The following RPH3AL variants were observed in gnomAD, a reference collection of about 807,000 sequenced individuals.
RPH3AL encodes the protein rab effector Noc2.
Under a neutral mutation model 43.1 loss-of-function variants are expected in RPH3AL, and 38 were observed. That is an observed-to-expected ratio of 0.88 (90% CI 0.68 to 1.15). The LOEUF (loss-of-function observed/expected upper bound fraction) is 1.15, where lower values mean the gene tolerates loss of function less well. Ranked by LOEUF, RPH3AL falls within the 50% of genes most tolerant of loss-of-function variation. The probability of loss-of-function intolerance (pLI) is 0.00; values close to 1 mark genes in which losing one functional copy is unlikely to be tolerated. For missense variants in RPH3AL, 462 were observed against 423.2 expected, an observed-to-expected ratio of 1.09 and a Z score of -0.81; for synonymous variants, 189 against 176.3, an observed-to-expected ratio of 1.07 and a Z score of -0.57.
chr17:278,294 G>A (rs760076070), intron 6 of RPH3AL, among the ~76,000 whole-genome samples: 37 of 152,192 alleles, frequency 2.4e-4, no homozygotes, highest in Middle Eastern at 3.4e-3. Context: ...TTCGCCTTCC[G>A]CCGTGATTGT....
chr17:314,487 G>C (rs527646090), intron 5 of RPH3AL, among the ~76,000 whole-genome samples: 16 of 135,338 alleles, frequency 1.2e-4, no homozygotes, highest in African/African-American at 4.5e-4. Flanking sequence ...CCATTGACCT[G>C]TAGTCCCTAT....
intron 5 of RPH3AL, among the ~76,000 whole-genome samples, chr17:293,488 G>A (rs926733038): frequency 6.6e-6 from 1 of 152,204 alleles, no homozygotes; most frequent in East Asian, 1.9e-4. Flanking sequence ...TCCGGGGGTG[G>A]GGCAGCGGGG....
intron 6 of RPH3AL, among the ~76,000 whole-genome samples, chr17:269,029 C>T (rs538819659): frequency 1.1e-4 from 16 of 152,282 alleles, no homozygotes; most frequent in East Asian, 3.9e-4. Context: ...CAGGCGCCCG[C>T]CACCACGCCT....
chr17:272,984 C>CA (rs1567604451), intron 6 of RPH3AL, among the ~76,000 whole-genome samples: 1 of 61,864 alleles, frequency 1.6e-5, no homozygotes, highest in African/African-American at 5.4e-5. Context: ...CCAGCAAGGG[C>CA]TACGTCAGGG....
chr17:232,534 C>T (rs879314501), intron 7 of RPH3AL, among the ~76,000 whole-genome samples: 2 of 152,224 alleles, frequency 1.3e-5, no homozygotes, highest in Non-Finnish European at 2.9e-5. Context: ...CTATCAGTGT[C>T]TCTCCCAGCG....
intron 1 of RPH3AL, among the ~76,000 whole-genome samples, chr17:351,827 T>C (rs2045359518): frequency 6.6e-6 from 1 of 152,200 alleles, no homozygotes; most frequent in Non-Finnish European, 1.5e-5. Flanking sequence ...TATGCTCTAA[T>C]ACACATGAAA....
chr17:250,492 C>A (rs1455160865), intron 6 of RPH3AL, among the ~76,000 whole-genome samples: 1 of 150,222 alleles, frequency 6.7e-6, no homozygotes, highest in Non-Finnish European at 1.5e-5. Context: ...CCTCTCGGGG[C>A]CTTTACCAAG....
At chr17:268,987 T>C (rs1318353821) in intron 6 of RPH3AL, among the ~76,000 whole-genome samples, 3 of 152,166 alleles carry the variant, frequency 2.0e-5, no homozygotes, top group Non-Finnish European at 4.4e-5. Context: ...CACGCCATTC[T>C]CCTGCCTCAG....
chr17:228,851 T>A (rs1378499574), intron 7 of RPH3AL, among the ~76,000 whole-genome samples: 1 of 152,164 alleles, frequency 6.6e-6, no homozygotes, highest in Non-Finnish European at 1.5e-5. Context: ...GGACCCTTTT[T>A]CTGTCGCAGC....
In RPH3AL at chr17:235,178, C is replaced by T. The variant is rs1474045973; in HGVS notation, c.613+11933G>A. Among the ~76,000 whole-genome samples the T allele has an allele frequency of 6.0e-4, 90 of 150,088 alleles. No homozygotes were observed. The Middle Eastern group carries it at 0.011, about 18-fold the overall frequency. ...GGTTCAAAGCTGGGGTCAGCTGAGG[C>T]TCTGCAGTAACAAGAGGGATCCCGG... On this transcript the variant is annotated intron_variant, in intron 7 of 9. Transcript: ENST00000331302.
At chr17:337,298 G>A (rs552292097) in intron 1 of RPH3AL, among the ~76,000 whole-genome samples, 21 of 152,166 alleles carry the variant, frequency 1.4e-4, no homozygotes, top group Non-Finnish European at 2.9e-4. Flanking sequence ...ACAGGGTCTT[G>A]CTCTGTTGTC....
intron 5 of RPH3AL, among the ~76,000 whole-genome samples, chr17:307,005 C>T (rs938825341): frequency 1.3e-5 from 2 of 152,174 alleles, no homozygotes; most frequent in East Asian, 1.9e-4. Context: ...CCTCCAGGCC[C>T]GGCTGCCACA....
chr17:215,538 AAAC>A lies in RPH3AL; in HGVS notation c.876+113_876+115del, dbSNP rs1448613695. 2 of 993,420 alleles carry A rather than the reference AAAC, an allele frequency of 2.0e-6. No homozygotes were observed. The highest frequency in any genetic ancestry group is 3.3e-5 in the African/African-American group (2 of 59,752). 61.5% of individuals were successfully genotyped at this position (993,420 alleles called of 1,614,324 possible). A position where few individuals can be genotyped will look rare whatever the true frequency, so the allele number is the denominator to read the frequency against. On this transcript the variant is annotated intron_variant, in intron 9 of 9. Coordinates refer to ENST00000331302, the MANE Select transcript of RPH3AL (RefSeq NM_006987.4). This position sits in a 1 kb window ranked among gnomAD's most constrained non-coding sequence, Gnocchi z 4.1. Reference sequence around the variant, plus strand: ...CTTGTTCCCCCGCACAGTGCTTGGTAAACAACATGCAGAATTGAAAACGTCACC... The same window carrying A: ...CTTGTTCCCCCGCACAGTGCTTGGTAAACATGCAGAATTGAAAACGTCACC...
chr17:232,216 C>G (rs1006863522), intron 7 of RPH3AL, among the ~76,000 whole-genome samples: 1 of 152,216 alleles, frequency 6.6e-6, no homozygotes, highest in African/African-American at 2.4e-5. Context: ...CATGCTGAGA[C>G]TACGGTGCAA....
rs80227594 is a variant in RPH3AL at position 291,802 on chromosome 17, G to A, written c.352-9948C>T. Among the ~76,000 whole-genome samples, 1,460 of 152,284 alleles carry A rather than the reference G, an allele frequency of 9.6e-3. 11 individuals carry two copies. Among genetic ancestry groups the A allele is most frequent in the African/African-American group, 0.032 (1,349 of 41,542 alleles). ...TAAGCTGTTAAGTTAAAAAAAGCACGTTGGAAACAGTCTGCATAGCAGGGC... is the reference window on the plus strand; with the variant it reads ...TAAGCTGTTAAGTTAAAAAAAGCACATTGGAAACAGTCTGCATAGCAGGGC... On this transcript the variant is annotated intron_variant, in intron 5 of 9. Transcript: ENST00000331302.
At chr17:272,985 T>TACGTCAGGGTGAGACCCCAGCGAGGGTG (rs2042528440) in intron 6 of RPH3AL, among the ~76,000 whole-genome samples, 1 of 36,360 alleles carries the variant, frequency 2.8e-5, no homozygotes, top group African/African-American at 8.8e-5. Context: ...CAGCAAGGGC[T>TACGTCAGGGTGAGACCCCAGCGAGGGTG]ACGTCAGGGT....
chr17:214,989 A>T (rs1043205632), intron 9 of RPH3AL, among the ~76,000 whole-genome samples: 1 of 152,018 alleles, frequency 6.6e-6, no homozygotes, highest in African/African-American at 2.4e-5. Context: ...TCGAGTGGGG[A>T]AGGAGAGAGG....
intron 5 of RPH3AL, among the ~76,000 whole-genome samples, chr17:316,483 C>G (rs1293124454): frequency 0.012 from 1,754 of 151,256 alleles, 7 homozygotes; most frequent in African/African-American, 0.04. Flanking sequence ...CTGTGCCCCA[C>G]CTCCACTGAC....
Position 283,183 on chromosome 17 carries a change from A to G in RPH3AL, c.352-1329T>C, listed in dbSNP as rs2042823150. ...CTCTCTGCAGCCCCCCGCCGAGGGA[A>G]GGTTGCATCTGTTGCTTGGCCTTTT... On this transcript the variant is annotated intron_variant, in intron 5 of 9. Transcript: ENST00000331302. The surrounding 1 kb of genome is among the most constrained non-coding windows in gnomAD (Gnocchi z 4.2). Among the ~76,000 whole-genome samples the G allele has an allele frequency of 2.0e-5, 3 of 152,168 alleles. No individual in the cohort carries two copies.
Sources: gnomAD v4.1 joint callset for allele counts (sites outside exome capture counted in the v4.1 genomes callset) on GRCh38, gnomAD v4.1.1 for gene constraint, Gnocchi (gnomAD v3.1) non-coding constraint, MANE v1.5 for transcripts, NCBI Gene and HGNC (gene_info 2026-07-23, HGNC 2026-07-21) for gene names.